Variants in MRC2 observed in about 807,000 individuals in gnomAD.
MRC2 encodes the protein C-type mannose receptor 2.
In MRC2, 84 loss-of-function variants were observed where a neutral mutation model predicts 206.2. That is an observed-to-expected ratio of 0.41 (90% CI 0.34 to 0.49). The LOEUF is 0.49. Ranked by LOEUF, MRC2 falls within the 20% of genes least tolerant of loss-of-function variation. The probability of loss-of-function intolerance (pLI) is 0.31; values close to 1 mark genes in which losing one functional copy is unlikely to be tolerated. For synonymous variants in MRC2, 798 were observed against 800.0 expected, an observed-to-expected ratio of 1.00 and a Z score of 0.04; for missense variants, 1,676 against 2,001.5, an observed-to-expected ratio of 0.84 and a Z score of 3.10.
At chr17:62,670,440 G>A (rs1048677791) in intron 6 of MRC2, among the ~76,000 whole-genome samples, 2 of 152,260 alleles carry the variant, frequency 1.3e-5, no homozygotes, top group Non-Finnish European at 2.9e-5. Flanking sequence ...GGGTCTCCAG[G>A]AGCAGGTGTG....
chr17:62,669,968 C>A (rs1354013818), intron 6 of MRC2, among the ~76,000 whole-genome samples: 1 of 152,184 alleles, frequency 6.6e-6, no homozygotes, highest in East Asian at 1.9e-4. Flanking sequence ...CTGGAGGGAG[C>A]CTTGGGCCCT....
rs773204542 is a variant in MRC2 at position 62,634,830 on chromosome 17, C to CT, written c.118+6928dup. Among the ~76,000 whole-genome samples the CT allele has an allele frequency of 5.3e-3, 750 of 140,550 alleles. 8 individuals are homozygous for CT. The highest frequency in any genetic ancestry group is 0.014 in the African/African-American group (535 of 38,654). 92.2% of individuals were successfully genotyped at this position (140,550 alleles called of 152,430 possible). ...TCTGGTTTGAACACCTCTGATACAACTTTTTTTTTTTTTTTTTTAGGACGG... is the reference window on the plus strand; with the variant it reads ...TCTGGTTTGAACACCTCTGATACAACTTTTTTTTTTTTTTTTTTTAGGACGG... On this transcript the variant is annotated intron_variant, in intron 1 of 29. Transcript: ENST00000303375.
chr17:62,627,792 C>A lies in MRC2; in HGVS notation c.-11C>A. Reference sequence around the variant, plus strand: ...CTCGGTCCCCGCGTCCACTGAGCGCCGCGCTCGGGGATGGGGCCCGGCCGG... The same window carrying A: ...CTCGGTCCCCGCGTCCACTGAGCGCAGCGCTCGGGGATGGGGCCCGGCCGG... On this transcript the variant is annotated 5_prime_UTR_variant, in exon 1 of 30. Transcript: ENST00000303375. 1 of 1,420,994 alleles carries A rather than the reference C, an allele frequency of 7.0e-7. No homozygotes were observed. Among genetic ancestry groups the A allele is most frequent in the Non-Finnish European group, 9.1e-7 (1 of 1,097,072 alleles). The allele number at this position is 1,420,994 out of a possible 1,614,324, so 88.0% of individuals were successfully genotyped here.
rs778663776 is a variant in MRC2 at position 62,690,939 on chromosome 17, T to C, written c.4013-10T>C. 1 of 1,588,254 alleles carries C rather than the reference T, an allele frequency of 6.3e-7. No individual in the cohort carries two copies. Among genetic ancestry groups the C allele is most frequent in the Non-Finnish European group, 8.6e-7 (1 of 1,168,424 alleles). Reference sequence around the variant, plus strand: ...TTGTCCCTGCTCCCTCAGTGCCTTCTTTCCTGCAGGAGGCACTCTGGTCTG... The same window carrying C: ...TTGTCCCTGCTCCCTCAGTGCCTTCCTTCCTGCAGGAGGCACTCTGGTCTG... On this transcript the variant is annotated splice_polypyrimidine_tract_variant and intron_variant, in intron 27 of 29. Coordinates refer to ENST00000303375, the MANE Select transcript of MRC2 (RefSeq NM_006039.5).
At position 62,673,000 on chromosome 17, in the gene MRC2, AAAAAT is replaced by A. The variant is rs1327514158; in HGVS notation, c.1461+858_1461+862del. 1.3e-5 allele frequency among the ~76,000 whole-genome samples: 2 copies of A among 151,364 alleles called. No individual in the cohort carries two copies. Among genetic ancestry groups the A allele is most frequent in the Non-Finnish European group, 2.9e-5 (2 of 67,892 alleles). On this transcript the variant is annotated intron_variant, in intron 8 of 29. Transcript: ENST00000303375. This position sits in a 1 kb window ranked among gnomAD's most constrained non-coding sequence, Gnocchi z 4.5. ...GAGCAAGACCCTGTCTCAAAAAAAA[AAAAAT>A]AAAATAAAAAGGAGAAAGCCGTAGG...
In MRC2 at chr17:62,667,306, A is replaced by G; in HGVS notation, c.974-84A>G. Reference sequence around the variant, plus strand: ...CTCAGGCTTCCGAGGGAGCAGAGGGAGGTAGGAGGTTCTGAGCAGGGCCCC... The same window carrying G: ...CTCAGGCTTCCGAGGGAGCAGAGGGGGGTAGGAGGTTCTGAGCAGGGCCCC... On this transcript the variant is annotated intron_variant, in intron 5 of 29. Coordinates refer to ENST00000303375, the MANE Select transcript of MRC2 (RefSeq NM_006039.5). This position sits in a 1 kb window ranked among gnomAD's most constrained non-coding sequence, Gnocchi z 4.1. 1 of 1,479,296 alleles carries G rather than the reference A, an allele frequency of 6.8e-7. No homozygotes were observed. The highest frequency in any genetic ancestry group is 9.0e-7 in the Non-Finnish European group (1 of 1,109,844). 91.6% of individuals were successfully genotyped at this position (1,479,296 alleles called of 1,614,324 possible).
chr17:62,675,893 C>G lies in MRC2; in HGVS notation c.1673C>G (p.Thr558Ser). ...LCTDHGSQLV[T>S]ITNRFEQAFV... ...ACTGACCATGGCTCTCAGCTGGTCA[C>G]CATCACCAACAGGTACAGCAGGGGC... Residue 558 changes from threonine (T) to serine (S), a missense_variant, in exon 10 of 30, where the codon ACC becomes AGC. By Grantham distance (58) the Thr-to-Ser change is moderately conservative. Coordinates refer to ENST00000303375, the MANE Select transcript of MRC2 (RefSeq NM_006039.5). The surrounding 1 kb of genome is among the most constrained non-coding windows in gnomAD (Gnocchi z 4.1). 1 of 1,613,994 alleles carries G rather than the reference C, an allele frequency of 6.2e-7. No homozygotes were observed. Among genetic ancestry groups the G allele is most frequent in the Non-Finnish European group, 8.5e-7 (1 of 1,179,898 alleles).
chr17:62,645,513 ATATATATATATATATTTTTT>A (rs1302461042), intron 1 of MRC2, among the ~76,000 whole-genome samples: 2 of 65,880 alleles, frequency 3.0e-5, no homozygotes, highest in Non-Finnish European at 6.1e-5. Context: ...ATATATATAT[ATATATATATATATATTTTTT>A]TTTTTTTTTT....
chr17:62,678,602 C>T lies in MRC2; in HGVS notation c.2151C>T (p.Tyr717=), dbSNP rs147395975. The change falls in exon 13 of 30, where the codon TAC becomes TAT. Residue 717 remains tyrosine, a synonymous_variant. Transcript: ENST00000303375. The stretch of plus-strand genomic sequence containing the variant: ...CCCAGCTGCTGAGCCTGGCCAGCTA[C>T]GAGGAGGAGCACTTTGTGGCCAACA... ...LGAQLLSLAS[Y]EEEHFVANML... is the part of the protein sequence containing the mutation. 163 of 1,611,430 alleles carry T rather than the reference C, an allele frequency of 1.0e-4. No individual in the cohort carries two copies. Among genetic ancestry groups the T allele is most frequent in the Non-Finnish European group, 1.2e-4 (138 of 1,179,262 alleles).
At chr17:62,689,486 C>G in intron 23 of MRC2, 36 bp from the exon 24 acceptor site, 1 of 1,386,622 alleles carries the variant, frequency 7.2e-7, no homozygotes, top group African/African-American at 1.4e-5. Flanking sequence ...GTGAGGGAAG[C>G]AGAGCCCAGC....
rs571793821 is a variant in MRC2, at chr17:62,633,840, C to CAAAAAAAAA, written c.118+5954_118+5962dup. On this transcript the variant is annotated intron_variant, in intron 1 of 29. Coordinates refer to ENST00000303375, the MANE Select transcript of MRC2 (RefSeq NM_006039.5). ...TGAGTGACAGAGTGAGACCCTGTCT[C>CAAAAAAAAA]AAAAAAAAAAAAAAAAAAAAAAAAA... Among the ~76,000 whole-genome samples the CAAAAAAAAA allele has an allele frequency of 3.5e-4, 12 of 33,918 alleles. 1 individual carries two copies. Among genetic ancestry groups the CAAAAAAAAA allele is most frequent in the Non-Finnish European group, 5.6e-4 (11 of 19,752 alleles). The allele number at this position is 33,918 out of a possible 152,430, so 22.3% of individuals were successfully genotyped here. A position where few individuals can be genotyped will look rare whatever the true frequency, so the allele number is the denominator to read the frequency against.
chr17:62,680,117 G>T lies in MRC2; in HGVS notation c.2299-53G>T. On this transcript the variant is annotated intron_variant, in intron 14 of 29. Coordinates refer to ENST00000303375, the MANE Select transcript of MRC2 (RefSeq NM_006039.5). The surrounding 1 kb of genome is among the most constrained non-coding windows in gnomAD (Gnocchi z 4.8). ...TTGTTCACCTGTTCCGGGCATGGGG[G>T]CGGCCTGCACCTTGCGCCTCACGTT... 2 of 1,608,716 alleles carry T rather than the reference G, an allele frequency of 1.2e-6. No individual in the cohort carries two copies. Among genetic ancestry groups the T allele is most frequent in the Non-Finnish European group, 1.7e-6 (2 of 1,176,852 alleles).
chr17:62,683,400 G>A (rs191986165), intron 20 of MRC2, among the ~76,000 whole-genome samples: 6 of 151,608 alleles, frequency 4.0e-5, no homozygotes, highest in East Asian at 1.9e-4. Context: ...TCCTGGAGGC[G>A]GAAGTTGCGG....
Position 62,675,993 on chromosome 17 carries a change from C to T in MRC2, c.1685+88C>T. Reference sequence around the variant, plus strand: ...CAGCAAACAGGGTAGCATCTGCCATCATGCCCAGAGGGACCTGGAGTCCTG... The same window carrying T: ...CAGCAAACAGGGTAGCATCTGCCATTATGCCCAGAGGGACCTGGAGTCCTG... On this transcript the variant is annotated intron_variant, in intron 10 of 29. Coordinates refer to ENST00000303375, the MANE Select transcript of MRC2 (RefSeq NM_006039.5). The surrounding 1 kb of genome is among the most constrained non-coding windows in gnomAD (Gnocchi z 4.1). The T allele has an allele frequency of 2.7e-6, 3 of 1,130,172 alleles. No homozygotes were observed. The East Asian group carries it at 7.2e-5, about 27-fold the overall frequency. 70.0% of individuals were successfully genotyped at this position (1,130,172 alleles called of 1,614,324 possible).
chr17:62,675,352 C>T lies in MRC2; in HGVS notation c.1570-438C>T, dbSNP rs1449068484. ...CCTGCCATCCCCGGGCCAGGAGCAT[C>T]CTGCGCCGACTCCAGCTTTGCCAGG... On this transcript the variant is annotated intron_variant, in intron 9 of 29. Transcript: ENST00000303375. This position sits in a 1 kb window ranked among gnomAD's most constrained non-coding sequence, Gnocchi z 4.1. Among the ~76,000 whole-genome samples the T allele has an allele frequency of 6.6e-6, 1 of 152,188 alleles. No homozygotes were observed. Among genetic ancestry groups the T allele is most frequent in the Non-Finnish European group, 1.5e-5 (1 of 68,026 alleles).
intron 1 of MRC2, among the ~76,000 whole-genome samples, chr17:62,657,373 T>A (rs754871881): frequency 4.6e-5 from 7 of 152,192 alleles, no homozygotes; most frequent in Non-Finnish European, 1.0e-4. Context: ...AATGAATGAA[T>A]CACACCCAGC....
intron 20 of MRC2, among the ~76,000 whole-genome samples, chr17:62,682,768 AG>A (rs1465799610): frequency 6.6e-6 from 1 of 151,312 alleles, no homozygotes; most frequent in Non-Finnish European, 1.5e-5. Context: ...CAGCCTCCCG[AG>A]TAGCTGGGAT....
At chr17:62,656,169 C>T (rs989253727) in intron 1 of MRC2, among the ~76,000 whole-genome samples, 32 of 152,172 alleles carry the variant, frequency 2.1e-4, no homozygotes, top group Admixed American at 1.3e-4. Flanking sequence ...ACCTCAGCCT[C>T]CTGAGTAGTT....
In MRC2 at chr17:62,689,583, C is replaced by T. The variant is rs1362710269; in HGVS notation, c.3396C>T (p.Tyr1132=). ...LPPAPGTELS[Y]LNGTFRLLQK... ...CCGCCCCGGGCACTGAGCTCTCCTA[C>T]CTCAACGGCACCTTCCGGCTGCTTC... The change falls in exon 24 of 30, where the codon TAC becomes TAT. Residue 1132 remains tyrosine, a synonymous_variant. Coordinates refer to ENST00000303375, the MANE Select transcript of MRC2 (RefSeq NM_006039.5). The T allele has an allele frequency of 2.1e-5, 34 of 1,603,252 alleles. No homozygotes were observed. The highest frequency in any genetic ancestry group is 2.9e-5 in the Non-Finnish European group (34 of 1,175,100).
Sources: allele counts gnomAD v4.1 joint callset (sites outside exome capture counted in the v4.1 genomes callset), GRCh38; gene constraint gnomAD v4.1.1; non-coding constraint Gnocchi (gnomAD v3.1); transcripts MANE v1.5; gene names NCBI Gene and HGNC (gene_info 2026-07-23, HGNC 2026-07-21).